Variants in ZNF215 observed in about 807,000 individuals in gnomAD.
ZNF215 encodes the protein zinc finger protein 215, also known as BWSCR2-associated zinc finger protein 2.
A neutral mutation model predicts 27.2 loss-of-function variants in ZNF215; 24 were observed. That is an observed-to-expected ratio of 0.88 (90% CI 0.64 to 1.24). The LOEUF is 1.24. ZNF215 is among the 50% of genes most tolerant of loss of function. ZNF215 has a pLI of 0.00. For synonymous variants in ZNF215, 210 were observed against 204.0 expected, an observed-to-expected ratio of 1.03 and a Z score of -0.25; for missense variants, 675 against 605.7, an observed-to-expected ratio of 1.11 and a Z score of -1.20.
chr11:6,950,075 C>G (rs1849992259), intron 6 of ZNF215, among the ~76,000 whole-genome samples: 1 of 151,684 alleles, frequency 6.6e-6, no homozygotes, highest in African/African-American at 2.4e-5. Context: ...GGGCTCTGTT[C>G]TGTTCCATTG....
chr11:6,968,127 C>G (rs1743562264), intron 5 of ZNF215, among the ~76,000 whole-genome samples: 1 of 152,152 alleles, frequency 6.6e-6, no homozygotes, highest in African/African-American at 2.4e-5. Context: ...GGTCTCTGTT[C>G]TGTTCCATTG....
chr11:6,982,292 C>T (rs1758026915), intron 5 of ZNF215, among the ~76,000 whole-genome samples: 1 of 151,874 alleles, frequency 6.6e-6, no homozygotes, highest in Non-Finnish European at 1.5e-5. Context: ...ACTTAGACTC[C>T]CACACAATAA....
At chr11:6,958,520 A>G (rs1293502015), downstream of ZNF215, among the ~76,000 whole-genome samples, 1 of 151,962 alleles carries the variant, frequency 6.6e-6, no homozygotes, top group Non-Finnish European at 1.5e-5. Context: ...TTTATAGCCA[A>G]TTAACATCTT....
downstream of ZNF215, among the ~76,000 whole-genome samples, chr11:6,959,321 T>C (rs1850467685): frequency 6.6e-6 from 1 of 152,166 alleles, no homozygotes; most frequent in African/African-American, 2.4e-5. Flanking sequence ...TTTCATTTCA[T>C]AGAGGTAAAG....
downstream of ZNF215, among the ~76,000 whole-genome samples, chr11:6,991,287 C>T (rs865986470): frequency 1.3e-5 from 2 of 152,230 alleles, no homozygotes; most frequent in Non-Finnish European, 2.9e-5. Flanking sequence ...ATTCCACTTT[C>T]CCCTAGCCTC....
At chr11:6,941,506 A>G in intron 3 of ZNF215, 65 bp from the exon 4 acceptor site, 3 of 1,385,798 alleles carry the variant, frequency 2.2e-6, no homozygotes, top group South Asian at 1.3e-5. Flanking sequence ...TAAAACAACT[A>G]TAATTATTAG....
chr11:6,927,488 G>A (rs1490992546), intron 1 of ZNF215, among the ~76,000 whole-genome samples, 174 bp from the exon 2 acceptor site: 2 of 152,122 alleles, frequency 1.3e-5, no homozygotes, highest in Admixed American at 6.5e-5. Flanking sequence ...CCATAAAACC[G>A]TAGAACTGGT....
chr11:6,960,504 G>T (rs1376320627), downstream of ZNF215, among the ~76,000 whole-genome samples: 2 of 152,182 alleles, frequency 1.3e-5, no homozygotes, highest in Admixed American at 1.3e-4. Flanking sequence ...TTCCCACTCA[G>T]CAGCATCAAC....
chr11:6,939,610 A>C (rs1208074083), intron 3 of ZNF215, among the ~76,000 whole-genome samples: 1 of 152,198 alleles, frequency 6.6e-6, no homozygotes, highest in Admixed American at 6.5e-5. Flanking sequence ...TGATGATGCC[A>C]AGATCCATTT....
At chr11:6,952,070 C>T (rs1850093830) in intron 6 of ZNF215, among the ~76,000 whole-genome samples, 1 of 152,138 alleles carries the variant, frequency 6.6e-6, no homozygotes, top group African/African-American at 2.4e-5. Context: ...ACCCTGAGTT[C>T]TAGTTTGATT....
At chr11:6,958,094 G>C (rs915037461), downstream of ZNF215, 4 of 978,434 alleles carry the variant, frequency 4.1e-6, no homozygotes, top group Admixed American at 6.2e-5. Context: ...TTAGGACAAA[G>C]CCCTACATAA....
At chr11:6,967,490 T>C (rs989590002) in intron 5 of ZNF215, among the ~76,000 whole-genome samples, 1 of 152,216 alleles carries the variant, frequency 6.6e-6, no homozygotes, top group Non-Finnish European at 1.5e-5. Context: ...TTTTTAATGA[T>C]TGCCATTCTA....
At chr11:6,942,168 G>A (rs1849654386) in intron 4 of ZNF215, among the ~76,000 whole-genome samples, 1 of 152,212 alleles carries the variant, frequency 6.6e-6, no homozygotes, top group Admixed American at 6.5e-5. Flanking sequence ...ACTGTGGTGT[G>A]TTGAGGAAAG....
At chr11:6,933,371 C>T (rs754322883) in intron 3 of ZNF215, among the ~76,000 whole-genome samples, 28 of 152,122 alleles carry the variant, frequency 1.8e-4, no homozygotes, top group Non-Finnish European at 3.8e-4. Context: ...GTGGGACTTT[C>T]ACAATGAATA....
At chr11:6,964,320 C>T (rs1417581321) in intron 5 of ZNF215, among the ~76,000 whole-genome samples, 1 of 151,968 alleles carries the variant, frequency 6.6e-6, no homozygotes, top group African/African-American at 2.4e-5. Context: ...AATTGTTTCT[C>T]TCATTGATTG....
Position 6,956,203 on chromosome 11 carries a change from G to A in ZNF215, c.1226G>A (p.Cys409Tyr). ...CACACAGGAGAGAAACCCTATAAATGCAGTGAATGTGGGAGATTCTTCAAC... is the reference window on the plus strand; with the variant it reads ...CACACAGGAGAGAAACCCTATAAATACAGTGAATGTGGGAGATTCTTCAAC... ...IIHTGEKPYK[C>Y]SECGRFFNRR... is the part of the protein sequence containing the mutation. The change falls in exon 7 of 7, where the codon TGC becomes TAC. Residue 409 changes from cysteine (C) to tyrosine (Y), a missense_variant. Cys to Tyr is a radical substitution (Grantham distance 194). Transcript: ENST00000278319. The A allele has an allele frequency of 6.2e-7, 1 of 1,613,052 alleles. No individual in the cohort carries two copies. Among genetic ancestry groups the A allele is most frequent in the Non-Finnish European group, 8.5e-7 (1 of 1,179,718 alleles).
chr11:6,956,868 T>C lies in ZNF215; in HGVS notation c.*337T>C, dbSNP rs1271625571. ...AGCATACTAATATCCACCTGATTTA[T>C]TGACGAAGTAGACATTAGGCAAAGC... is the stretch of plus-strand genomic sequence containing the variant. On this transcript the variant is annotated 3_prime_UTR_variant, in exon 7 of 7. Coordinates refer to ENST00000278319, the MANE Select transcript of ZNF215 (RefSeq NM_013250.4). 5.9e-6 allele frequency: 6 copies of C among 1,015,934 alleles called. No homozygotes were observed. In the East Asian group the frequency reaches 2.8e-4, roughly 47 times the overall value. 62.9% of individuals were successfully genotyped at this position (1,015,934 alleles called of 1,614,324 possible). A position where few individuals can be genotyped will look rare whatever the true frequency, so the allele number is the denominator to read the frequency against.
intron 6 of ZNF215, among the ~76,000 whole-genome samples, chr11:6,948,046 A>C (rs1287798332): frequency 6.6e-6 from 1 of 152,176 alleles, no homozygotes; most frequent in Non-Finnish European, 1.5e-5. Flanking sequence ...GTATAGTGTC[A>C]CTTCTGCCAC....
chr11:6,980,627 A>T (rs1850929557), intron 5 of ZNF215, among the ~76,000 whole-genome samples: 1 of 150,818 alleles, frequency 6.6e-6, no homozygotes, highest in East Asian at 1.9e-4. Flanking sequence ...TTATTATTAT[A>T]CTTTAAGTTT....
Sources: gnomAD v4.1 joint callset for allele counts (sites outside exome capture counted in the v4.1 genomes callset) on GRCh38, gnomAD v4.1.1 for gene constraint, MANE v1.5 for transcripts, NCBI Gene and HGNC (gene_info 2026-07-23, HGNC 2026-07-21) for gene names.